The following UGT1A3 variants were observed in gnomAD, a reference collection of about 807,000 sequenced individuals.
The protein encoded by UGT1A3 is UDP glucuronosyltransferase family 1 member A3.
In UGT1A3, 31 loss-of-function variants were observed where a neutral mutation model predicts 41.0. The observed-to-expected ratio is 0.76, with a 90% confidence interval of 0.57 to 1.02. The LOEUF (loss-of-function observed/expected upper bound fraction) is 1.02. Ranked by LOEUF, UGT1A3 falls within the 50% of genes least tolerant of loss-of-function variation. The probability of loss-of-function intolerance (pLI) is 0.00; values close to 1 mark genes in which losing one functional copy is unlikely to be tolerated. For missense variants in UGT1A3, 737 were observed against 671.0 expected (o/e 1.10, Z -1.09); for synonymous variants, 262 against 257.6 (o/e 1.02, Z -0.17).
Position 233,743,607 on chromosome 2 carries a change from A to G in UGT1A3, c.867+13614A>G, listed in dbSNP as rs531629615. 1.8e-5 allele frequency: 24 copies of G among 1,367,342 alleles called. No homozygotes were observed. In the East Asian group the frequency reaches 1.0e-3, roughly 57 times the overall value. 84.7% of individuals were successfully genotyped at this position (1,367,342 alleles called of 1,614,324 possible). A position where few individuals can be genotyped will look rare whatever the true frequency, so the allele number is the denominator to read the frequency against. The stretch of plus-strand genomic sequence containing the variant: ...AAGGAGAATGGGTCCTGGCCGCCGA[A>G]GAACTCCCTGAAGACGTCGGCTGGG... On this transcript the variant is annotated intron_variant, in intron 1 of 4. Transcript: ENST00000482026.
At chr2:233,743,166 TA>T in intron 1 of UGT1A3, 1 of 363,344 alleles carries the variant, frequency 2.8e-6, no homozygotes, top group East Asian at 7.3e-5. Context: ...CAGATGTGCT[TA>T]AAGTCAAATG....
Position 233,769,477 on chromosome 2 carries a change from G to T in UGT1A3, c.1307+1038G>T. The T allele has an allele frequency of 6.2e-7, 1 of 1,611,324 alleles. No individual in the cohort carries two copies. The highest frequency in any genetic ancestry group is 8.5e-7 in the Non-Finnish European group (1 of 1,178,664). On this transcript the variant is annotated intron_variant, in intron 4 of 4. Coordinates refer to ENST00000482026, the MANE Select transcript of UGT1A3 (RefSeq NM_019093.4). This position sits in a 1 kb window ranked among gnomAD's most constrained non-coding sequence, Gnocchi z 4.4. Reference sequence around the variant, plus strand: ...TGCATTCATATGCGTGTGTGTGTGTGTGCGTGTGTTTATGAGAGTGTCCAT... The same window carrying T: ...TGCATTCATATGCGTGTGTGTGTGTTTGCGTGTGTTTATGAGAGTGTCCAT...
In UGT1A3 at chr2:233,767,846, C is replaced by G. The variant is rs1699507381; in HGVS notation, c.1000-3C>G. The G allele has an allele frequency of 6.2e-7, 1 of 1,614,014 alleles. No individual in the cohort carries two copies. Among genetic ancestry groups the G allele is most frequent in the Non-Finnish European group, 8.5e-7 (1 of 1,180,026 alleles). ...TACGTTCTGCTCTTTTTGCCCCTCC[C>G]AGGTCCTGTGGCGGTACACTGGAAC... On this transcript the variant is annotated splice_region_variant and splice_polypyrimidine_tract_variant and intron_variant, in intron 2 of 4. Coordinates refer to ENST00000482026, the MANE Select transcript of UGT1A3 (RefSeq NM_019093.4).
rs577014868 is a variant in UGT1A3, at chr2:233,772,525, G to A, written c.1571G>A (p.Arg524Gln). 2.1e-5 allele frequency: 34 copies of A among 1,614,136 alleles called. 1 individual carries two copies. In the South Asian group the frequency reaches 2.9e-4, roughly 14 times the overall value. The stretch of plus-strand genomic sequence containing the variant: ...CGGAAATGCTTGGGGAAAAAAGGGC[G>A]AGTTAAGAAAGCCCACAAATCCAAG... ...GYRKCLGKKG[R>Q]VKKAHKSKTH The change falls in exon 5 of 5, where the codon CGA becomes CAA. Residue 524 changes from arginine (R) to glutamine (Q), a missense_variant. Transcript: ENST00000482026.
At chr2:233,738,160 TTCTC>T (rs1212480209) in intron 1 of UGT1A3, among the ~76,000 whole-genome samples, 1 of 152,184 alleles carries the variant, frequency 6.6e-6, no homozygotes, top group Non-Finnish European at 1.5e-5. Context: ...CTATTCCTCT[TTCTC>T]TCTTTCATGT....
intron 1 of UGT1A3, chr2:233,747,572 A>G (rs968411318): frequency 5.2e-5 from 82 of 1,588,740 alleles, no homozygotes; most frequent in Non-Finnish European, 6.5e-5. Context: ...TGAAAAATTC[A>G]TCTTTGGTCT....
intron 1 of UGT1A3, among the ~76,000 whole-genome samples, chr2:233,744,770 A>G (rs1692917910): frequency 6.6e-6 from 1 of 151,946 alleles, no homozygotes. Context: ...TTAACTTTGC[A>G]AAATTCTCCT....
At chr2:233,737,065 T>C (rs1559381236) in intron 1 of UGT1A3, among the ~76,000 whole-genome samples, 1 of 152,236 alleles carries the variant, frequency 6.6e-6, no homozygotes, top group African/African-American at 2.4e-5. Context: ...ACGAGTGCTC[T>C]CTTCAGAGCT....
At position 233,765,423 on chromosome 2, in the gene UGT1A3, G is replaced by A. The variant is rs181881481; in HGVS notation, c.868-1611G>A. Among the ~76,000 whole-genome samples, 139 of 152,286 alleles carry A rather than the reference G, an allele frequency of 9.1e-4. 2 individuals carry two copies. Among genetic ancestry groups the A allele is most frequent in the Non-Finnish European group, 1.8e-3 (124 of 68,036 alleles). On this transcript the variant is annotated intron_variant, in intron 1 of 4. Coordinates refer to ENST00000482026, the MANE Select transcript of UGT1A3 (RefSeq NM_019093.4). ...CATATACACCATGGAATACTATGCA[G>A]CCATAACAAGGAATGAGATCATATT...
intron 1 of UGT1A3, among the ~76,000 whole-genome samples, chr2:233,766,608 C>T (rs2126027033): frequency 6.6e-6 from 1 of 152,314 alleles, no homozygotes; most frequent in South Asian, 2.1e-4. Context: ...ACCACACCCT[C>T]TTCTACCCAG....
intron 1 of UGT1A3, among the ~76,000 whole-genome samples, chr2:233,765,655 G>A (rs1698901056): frequency 6.6e-6 from 1 of 151,526 alleles, no homozygotes; most frequent in African/African-American, 2.4e-5. Context: ...AATAGGTGCA[G>A]CAAACCACCA....
chr2:233,755,169 T>C lies in UGT1A3; in HGVS notation c.868-11865T>C, dbSNP rs555147500. 5.0e-4 allele frequency: 628 copies of C among 1,267,204 alleles called. 1 individual carries two copies. The highest frequency in any genetic ancestry group is 1.5e-3 in the Admixed American group (80 of 52,468). The allele number at this position is 1,267,204 out of a possible 1,614,324, so 78.5% of individuals were successfully genotyped here. The stretch of plus-strand genomic sequence containing the variant: ...CGCTTCCTCCCTGTCCTCGGGGTTT[T>C]TGTCGGGGTGCCACTTGAGCGCCAG... On this transcript the variant is annotated intron_variant, in intron 1 of 4. Transcript: ENST00000482026.
chr2:233,759,342 C>A (rs1337999825), intron 1 of UGT1A3, among the ~76,000 whole-genome samples: 1 of 152,112 alleles, frequency 6.6e-6, no homozygotes, highest in Non-Finnish European at 1.5e-5. Flanking sequence ...TTCAGGTGAG[C>A]GCTGAAAATC....
chr2:233,748,025 C>T, intron 1 of UGT1A3: 1 of 1,613,520 alleles, frequency 6.2e-7, no homozygotes, highest in Non-Finnish European at 8.5e-7. Flanking sequence ...CGATCATGCC[C>T]AACATGGTCT....
chr2:233,772,894 C>CCA lies in UGT1A3; in HGVS notation c.*337_*338dup, dbSNP rs554656848. 8.1e-6 allele frequency: 4 copies of CCA among 491,752 alleles called. No individual in the cohort carries two copies. Among genetic ancestry groups the CCA allele is most frequent in the Non-Finnish European group, 1.3e-5 (4 of 303,172 alleles). The allele number at this position is 491,752 out of a possible 1,614,324, so 30.5% of individuals were successfully genotyped here. A position where few individuals can be genotyped will look rare whatever the true frequency, so the allele number is the denominator to read the frequency against. ...GGGAGTGCGGGATTCAAAGGTGGTC[C>CCA]CACGGCTGCCCCTACTGCAAATGGC... On this transcript the variant is annotated 3_prime_UTR_variant, in exon 5 of 5. Transcript: ENST00000482026.
intron 1 of UGT1A3, among the ~76,000 whole-genome samples, chr2:233,762,832 A>C (rs1698176538): frequency 6.6e-6 from 1 of 152,202 alleles, no homozygotes; most frequent in Admixed American, 6.5e-5. Flanking sequence ...CATAATAAAA[A>C]ATAATAGGCA....
intron 4 of UGT1A3, 80 bp from the exon 5 acceptor site, chr2:233,772,181 TC>T: frequency 6.3e-7 from 1 of 1,588,120 alleles, no homozygotes; most frequent in Non-Finnish European, 8.6e-7. Context: ...CTGGTAGTCT[TC>T]TTAAGCAGCC....
intron 1 of UGT1A3, among the ~76,000 whole-genome samples, chr2:233,753,929 G>A (rs147100101): frequency 1.3e-5 from 2 of 152,234 alleles, no homozygotes; most frequent in African/African-American, 4.8e-5. Context: ...CAGTGATATG[G>A]GATTCAAATG....
At chr2:233,738,796 A>G (rs1559382708) in intron 1 of UGT1A3, among the ~76,000 whole-genome samples, 1 of 152,236 alleles carries the variant, frequency 6.6e-6, no homozygotes, top group Admixed American at 6.5e-5. Flanking sequence ...CAGATGCAGA[A>G]ATACTAGCTA....
Sources: allele counts gnomAD v4.1 joint callset (sites outside exome capture counted in the v4.1 genomes callset), GRCh38; gene constraint gnomAD v4.1.1; non-coding constraint Gnocchi (gnomAD v3.1); transcripts MANE v1.5; gene names NCBI Gene and HGNC (gene_info 2026-07-23, HGNC 2026-07-21).